STAG1: variants seen among roughly 807,000 people sequenced by gnomAD.
STAG1 encodes cohesin subunit SA-1.
Under a neutral mutation model 170.9 loss-of-function variants are expected in STAG1, and 26 were observed. That is an observed-to-expected ratio of 0.15 (90% CI 0.11 to 0.21). The LOEUF (loss-of-function observed/expected upper bound fraction) is 0.21. STAG1 is among the 10% of genes least tolerant of loss of function. The pLI, the probability that STAG1 is intolerant of heterozygous loss-of-function variation, is 1.00. For missense variants in STAG1, 964 were observed against 1,509.5 expected, an observed-to-expected ratio of 0.64 and a Z score of 5.99; for synonymous variants, 514 against 497.7, an observed-to-expected ratio of 1.03 and a Z score of -0.44.
chr3:136,399,680 A>G (rs2087262319), intron 21 of STAG1, among the ~76,000 whole-genome samples: 1 of 152,112 alleles, frequency 6.6e-6, no homozygotes, highest in East Asian at 1.9e-4. Flanking sequence ...ACATGCTTAT[A>G]TATGTGTCTT....
chr3:136,477,675 C>G (rs765139359), intron 9 of STAG1, among the ~76,000 whole-genome samples: 1 of 152,150 alleles, frequency 6.6e-6, no homozygotes, highest in Non-Finnish European at 1.5e-5. Flanking sequence ...ACATTTGGAG[C>G]TTTCTGAGAG....
In STAG1 at chr3:136,348,948, T is replaced by A. The variant is rs1250958609; in HGVS notation, c.3271+210A>T. 3 of 571,806 alleles carry A rather than the reference T, an allele frequency of 5.2e-6. No homozygotes were observed. In the African/African-American group the frequency reaches 5.6e-5, roughly 11 times the overall value. The allele number at this position is 571,806 out of a possible 1,614,324, so 35.4% of individuals were successfully genotyped here. A position where few individuals can be genotyped will look rare whatever the true frequency, so the allele number is the denominator to read the frequency against. On this transcript the variant is annotated intron_variant, in intron 29 of 33. Coordinates refer to ENST00000383202, the MANE Select transcript of STAG1 (RefSeq NM_005862.3). ...TTTCCTCTTTTGGGCTGTCTTCCTT[T>A]GTGCTCCATGCTTCCTCAACTTCTT...
intron 25 of STAG1, 102 bp from the exon 26 acceptor site, chr3:136,363,569 AAGAAC>A (rs933556288): frequency 2.0e-6 from 1 of 494,460 alleles, no homozygotes; most frequent in Non-Finnish European, 3.5e-6. Context: ...AAAAAAAAAA[AAGAAC>A]AGGTTGGTTG....
intron 1 of STAG1, among the ~76,000 whole-genome samples, chr3:136,652,546 G>C (rs769603694): frequency 3.3e-5 from 5 of 152,070 alleles, no homozygotes; most frequent in Non-Finnish European, 5.9e-5. Flanking sequence ...AATAGTAAAG[G>C]TTCTGGCCAA....
chr3:136,441,604 C>T (rs757037719), intron 15 of STAG1, among the ~76,000 whole-genome samples: 15 of 152,206 alleles, frequency 9.9e-5, no homozygotes, highest in South Asian at 8.3e-4. Context: ...ATAGATAATA[C>T]AAATTAGTAT....
At chr3:136,465,558 C>CAAAAAAAAAAA (rs11364802) in intron 12 of STAG1, among the ~76,000 whole-genome samples, 9 of 48,218 alleles carry the variant, frequency 1.9e-4, no homozygotes, top group Non-Finnish European at 2.9e-4. Flanking sequence ...ACTCTTGCCT[C>CAAAAAAAAAAA]AAAAAAAAAA....
chr3:136,474,009 A>G (rs1224227412), intron 10 of STAG1, among the ~76,000 whole-genome samples: 1 of 152,162 alleles, frequency 6.6e-6, no homozygotes, highest in Non-Finnish European at 1.5e-5. Context: ...GAAAAACCTG[A>G]TTTTTATACA....
intron 6 of STAG1, among the ~76,000 whole-genome samples, chr3:136,534,697 A>G (rs1269815662): frequency 6.6e-6 from 1 of 152,198 alleles, no homozygotes. Flanking sequence ...GGGCAATGAG[A>G]TATCATTCAC....
chr3:136,706,789 C>T (rs1943237982), intron 1 of STAG1, among the ~76,000 whole-genome samples: 1 of 152,094 alleles, frequency 6.6e-6, no homozygotes, highest in Admixed American at 6.5e-5. Flanking sequence ...AAATTTGAGA[C>T]TAAAACTTTC....
intron 1 of STAG1, among the ~76,000 whole-genome samples, chr3:136,696,687 C>A (rs1942903087): frequency 6.8e-6 from 1 of 147,782 alleles, no homozygotes; most frequent in Non-Finnish European, 1.5e-5. Context: ...TCTTAAACTT[C>A]TTTTTAATAA....
chr3:136,336,270 C>T lies in STAG1; in HGVS notation c.*1984G>A, dbSNP rs1935676825. 1 of 152,076 alleles carries T rather than the reference C, an allele frequency of 6.6e-6. No individual in the cohort carries two copies. Among genetic ancestry groups the T allele is most frequent in the Non-Finnish European group, 1.5e-5 (1 of 68,016 alleles). 9.4% of individuals were successfully genotyped at this position (152,076 alleles called of 1,614,324 possible). On this transcript the variant is annotated 3_prime_UTR_variant, in exon 34 of 34. Transcript: ENST00000383202. ...ATAGTTTATTAAAGGAAAGGTGAAGCATCAGTTTCAAATTGTACAAAAGGA... is the reference window on the plus strand; with the variant it reads ...ATAGTTTATTAAAGGAAAGGTGAAGTATCAGTTTCAAATTGTACAAAAGGA...
intron 4 of STAG1, among the ~76,000 whole-genome samples, chr3:136,595,647 A>G (rs1391870856): frequency 6.6e-6 from 1 of 151,282 alleles, no homozygotes; most frequent in Non-Finnish European, 1.5e-5. Flanking sequence ...ACTGCACTCC[A>G]GCCTGGGCGA....
At chr3:136,508,969 C>A (rs1933915111) in intron 7 of STAG1, among the ~76,000 whole-genome samples, 1 of 152,206 alleles carries the variant, frequency 6.6e-6, no homozygotes, top group African/African-American at 2.4e-5. Context: ...GGAACCCAGA[C>A]TGACACAAAG....
At chr3:136,751,034 G>A (rs1000276399) in intron 1 of STAG1, among the ~76,000 whole-genome samples, 2 of 152,320 alleles carry the variant, frequency 1.3e-5, no homozygotes, top group South Asian at 2.1e-4. Flanking sequence ...ACACAACTTT[G>A]TGCCAATTCA....
At chr3:136,504,781 G>T (rs2107871141) in intron 7 of STAG1, among the ~76,000 whole-genome samples, 1 of 152,198 alleles carries the variant, frequency 6.6e-6, no homozygotes, top group East Asian at 1.9e-4. Context: ...CTGAGGCACG[G>T]CTTTTTAAAA....
chr3:136,579,274 A>G (rs761958220), intron 4 of STAG1, among the ~76,000 whole-genome samples: 16 of 152,206 alleles, frequency 1.1e-4, no homozygotes, highest in Admixed American at 5.2e-4. Flanking sequence ...ATACCTTCGT[A>G]CTCAACTAAG....
intron 4 of STAG1, among the ~76,000 whole-genome samples, chr3:136,569,831 A>G (rs1937204793): frequency 6.6e-6 from 1 of 152,156 alleles, no homozygotes; most frequent in African/African-American, 2.4e-5. Context: ...GAAAATTATT[A>G]AAACTTACAG....
intron 1 of STAG1, among the ~76,000 whole-genome samples, chr3:136,666,348 C>A (rs1257363415): frequency 6.6e-6 from 1 of 152,040 alleles, no homozygotes; most frequent in South Asian, 2.1e-4. Flanking sequence ...GCCCTCTGAA[C>A]TTCAGACCTA....
chr3:136,359,410 T>C, intron 26 of STAG1, 114 bp from the exon 27 acceptor site: 1 of 698,048 alleles, frequency 1.4e-6, no homozygotes, highest in East Asian at 2.9e-5. Context: ...GTTTCTCTTC[T>C]TGCATTGAAT....
Sources: allele counts gnomAD v4.1 joint callset (sites outside exome capture counted in the v4.1 genomes callset), GRCh38; gene constraint gnomAD v4.1.1; transcripts MANE v1.5; gene names NCBI Gene and HGNC (gene_info 2026-07-23, HGNC 2026-07-21).